The following DHX32 variants were observed in gnomAD, a reference collection of about 807,000 sequenced individuals.
The protein encoded by DHX32 is putative pre-mRNA-splicing factor ATP-dependent RNA helicase DHX32.
DHX32 carries 51 observed loss-of-function variants against 70.0 expected under a neutral mutation model. That is an observed-to-expected ratio of 0.73 (90% CI 0.58 to 0.92). The LOEUF is 0.92. Among genes scored for constraint, DHX32 ranks in the 40% least tolerant of loss-of-function variants. DHX32 has a pLI of 0.00. For synonymous variants in DHX32, 310 were observed against 315.3 expected (o/e 0.98, Z 0.18); for missense variants, 762 against 891.8 (o/e 0.85, Z 1.85).
intron 1 of DHX32, among the ~76,000 whole-genome samples, chr10:125,875,374 A>G (rs978031330): frequency 2.6e-5 from 4 of 152,228 alleles, no homozygotes; most frequent in Admixed American, 1.3e-4. Flanking sequence ...ATGAACCTGG[A>G]ACATCTTACT....
intron 1 of DHX32, among the ~76,000 whole-genome samples, chr10:125,869,101 C>T (rs934478596): frequency 1.3e-5 from 2 of 152,104 alleles, no homozygotes; most frequent in East Asian, 1.9e-4. Flanking sequence ...GATTCTACAT[C>T]GTTTAAGAAT....
At chr10:125,837,691 G>T (rs1209772751) in intron 10 of DHX32, among the ~76,000 whole-genome samples, 1 of 152,172 alleles carries the variant, frequency 6.6e-6, no homozygotes, top group Non-Finnish European at 1.5e-5. Context: ...GCCTCCCAAG[G>T]TGCCTGGCCA....
chr10:125,845,147 C>G (rs1234967083), intron 6 of DHX32, among the ~76,000 whole-genome samples: 1 of 152,214 alleles, frequency 6.6e-6, no homozygotes, highest in Non-Finnish European at 1.5e-5. Flanking sequence ...AAGGCCACGG[C>G]AGTTCCAGAG....
Position 125,866,987 on chromosome 10 carries a change from A to C in DHX32, c.476+3T>G, listed in dbSNP as rs374452290. 2.5e-6 allele frequency: 4 copies of C among 1,611,392 alleles called. No individual in the cohort carries two copies. The highest frequency in any genetic ancestry group is 2.2e-5 in the East Asian group (1 of 44,844). On this transcript the variant is annotated splice_donor_region_variant and intron_variant, in intron 2 of 10. Transcript: ENST00000284690. This position sits in a 1 kb window ranked among gnomAD's most constrained non-coding sequence, Gnocchi z 4.8. ...GGGAGCGGACTGAACCCCACAAACC[A>C]ACCTCAGGATTGTTTCGTTGGTACA...
intron 6 of DHX32, among the ~76,000 whole-genome samples, chr10:125,850,903 A>T (rs1454560750): frequency 2.6e-5 from 4 of 152,204 alleles, no homozygotes; most frequent in African/African-American, 9.6e-5. Flanking sequence ...CTGCCTTCCC[A>T]GGGTAGCGGC....
chr10:125,877,933 T>C (rs761315217), intron 1 of DHX32, among the ~76,000 whole-genome samples: 5 of 152,168 alleles, frequency 3.3e-5, no homozygotes, highest in Non-Finnish European at 5.9e-5. Context: ...AACTTCTCTA[T>C]GAGAAATGGG....
intron 2 of DHX32, among the ~76,000 whole-genome samples, chr10:125,860,832 T>C (rs1944182833): frequency 8.2e-6 from 1 of 122,080 alleles, no homozygotes; most frequent in African/African-American, 3.3e-5. Context: ...CTCGGCTCAC[T>C]GCAAGCTCCG....
upstream of DHX32, among the ~76,000 whole-genome samples, chr10:125,881,746 T>A (rs1944318890): frequency 6.6e-6 from 1 of 152,104 alleles, no homozygotes; most frequent in Non-Finnish European, 1.5e-5. Flanking sequence ...CCAGGCTGTT[T>A]TCCCCCTGCC....
chr10:125,854,301 A>G (rs1009045342), intron 3 of DHX32, 98 bp from the exon 4 acceptor site: 2 of 1,249,618 alleles, frequency 1.6e-6, no homozygotes, highest in Non-Finnish European at 2.1e-6. Context: ...AATACTACGT[A>G]ACAGATACAG....
Position 125,870,408 on chromosome 10 carries a change from A to G in DHX32, c.283-3225T>C, listed in dbSNP as rs970404175. Among the ~76,000 whole-genome samples, 14 of 152,346 alleles carry G rather than the reference A, an allele frequency of 9.2e-5. 1 individual carries two copies. The South Asian group carries it at 2.9e-3, about 32-fold the overall frequency. The stretch of plus-strand genomic sequence containing the variant: ...CAAGGTCATACTGCCAGTAAACAGC[A>G]TGACCAGAACCAATCCATATCTTCT... On this transcript the variant is annotated intron_variant, in intron 1 of 10. Transcript: ENST00000284690.
chr10:125,842,742 T>A (rs1206137039), intron 6 of DHX32: 2 of 813,676 alleles, frequency 2.5e-6, no homozygotes, highest in Non-Finnish European at 3.0e-6. Context: ...GGATCTCAGA[T>A]GCTAGAAATA....
intron 3 of DHX32, among the ~76,000 whole-genome samples, chr10:125,858,965 T>C (rs1944165074): frequency 6.6e-6 from 1 of 151,874 alleles, no homozygotes; most frequent in Non-Finnish European, 1.5e-5. Context: ...TGATGCTTGA[T>C]TGCACATTTC....
At chr10:125,894,221 C>A (rs150751905) in intron 1 of DHX32, among the ~76,000 whole-genome samples, 1 of 152,002 alleles carries the variant, frequency 6.6e-6, no homozygotes, top group Non-Finnish European at 1.5e-5. Context: ...TACCATTCAT[C>A]CCCCACCCCT....
At chr10:125,887,262 A>T (rs199751369) in intron 1 of DHX32, among the ~76,000 whole-genome samples, 43 of 152,210 alleles carry the variant, frequency 2.8e-4, no homozygotes, top group African/African-American at 1.0e-3. Flanking sequence ...CAATGTGAAC[A>T]TGGTAGGGAC....
At chr10:125,884,487 A>G (rs972729054), upstream of DHX32, among the ~76,000 whole-genome samples, 6 of 152,258 alleles carry the variant, frequency 3.9e-5, 1 homozygote, top group Non-Finnish European at 8.8e-5. Flanking sequence ...ATACATGTAT[A>G]TTGTAGATGG....
intron 6 of DHX32, among the ~76,000 whole-genome samples, chr10:125,846,298 G>A (rs1414028169): frequency 2.0e-5 from 3 of 152,174 alleles, no homozygotes; most frequent in African/African-American, 7.2e-5. Context: ...AGTTGGCACT[G>A]TAGTTAGATA....
At position 125,867,099 on chromosome 10, in the gene DHX32, C is replaced by G; in HGVS notation, c.367G>C (p.Val123Leu). 1 of 1,614,212 alleles carries G rather than the reference C, an allele frequency of 6.2e-7. No homozygotes were observed. Among genetic ancestry groups the G allele is most frequent in the Non-Finnish European group, 8.5e-7 (1 of 1,180,036 alleles). ...GCCACCCGCAGGGCGAGCTGGACCA[C>G]AGTCTGCTTGTGGACCTGTGTGCAT... Reference protein sequence around the residue: ...VICTQVHKQTVVQLALRVADE... With the variant: ...VICTQVHKQTLVQLALRVADE... The change falls in exon 2 of 11, where the codon GTG becomes CTG. Residue 123 changes from valine to leucine, a missense_variant. Around this residue, in one of 3 missense-constraint regions of DHX32, gnomAD observed 394 missense variants for 473.1 expected, o/e 0.83. Transcript: ENST00000284690.
At chr10:125,871,862 CTTTTTTT>C (rs367881568) in intron 1 of DHX32, among the ~76,000 whole-genome samples, 2 of 131,236 alleles carry the variant, frequency 1.5e-5, no homozygotes, top group East Asian at 2.2e-4. Flanking sequence ...TGCTTCTTTT[CTTTTTTT>C]TTTTTTTTTT....
At chr10:125,854,710 C>A (rs1334759750) in intron 3 of DHX32, 2 of 152,660 alleles carry the variant, frequency 1.3e-5, no homozygotes, top group African/African-American at 4.8e-5. Context: ...TCCAGGGGGT[C>A]CCACATCAGC....
Sources: allele counts gnomAD v4.1 joint callset (sites outside exome capture counted in the v4.1 genomes callset), GRCh38; gene constraint gnomAD v4.1.1; regional missense constraint gnomAD v4.1.1; non-coding constraint Gnocchi (gnomAD v3.1); transcripts MANE v1.5; gene names NCBI Gene and HGNC (gene_info 2026-07-23, HGNC 2026-07-21).